Variants in SEMA3A observed in about 807,000 individuals in gnomAD.
SEMA3A encodes the protein semaphorin 3A.
Under a neutral mutation model 97.9 loss-of-function variants are expected in SEMA3A, and 29 were observed. The observed-to-expected ratio is 0.30, with a 90% CI of 0.22 to 0.40. SEMA3A has a LOEUF of 0.40. SEMA3A is among the 10% of genes least tolerant of loss of function. The pLI, the probability that SEMA3A is intolerant of heterozygous loss-of-function variation, is 1.00. For missense variants in SEMA3A, 763 were observed against 951.3 expected, an observed-to-expected ratio of 0.80 and a Z score of 2.60; for synonymous variants, 321 against 323.7, an observed-to-expected ratio of 0.99 and a Z score of 0.09.
At chr7:84,359,882 G>A (rs9801326) in intron 2 of SEMA3A, among the ~76,000 whole-genome samples, 43,555 of 150,404 alleles carry the variant, frequency 0.29, 6,682 homozygotes, top group African/African-American at 0.38. Flanking sequence ...TGTATGTGTC[G>A]AGGAATTTAT....
chr7:84,370,013 T>C (rs78239287), intron 2 of SEMA3A, among the ~76,000 whole-genome samples: 2,065 of 151,160 alleles, frequency 0.014, 45 homozygotes, highest in African/African-American at 0.047. Context: ...AAAACAAAGG[T>C]AAGGATGTAG....
chr7:84,425,211 T>TTA (rs1156788973), intron 1 of SEMA3A, among the ~76,000 whole-genome samples: 2 of 117,384 alleles, frequency 1.7e-5, no homozygotes, highest in African/African-American at 7.0e-5. Context: ...ATTTACGTAT[T>TTA]TATATATACA....
intron 1 of SEMA3A, among the ~76,000 whole-genome samples, chr7:84,486,907 ATCC>A (rs1249629143): frequency 6.6e-6 from 1 of 152,120 alleles, no homozygotes; most frequent in Non-Finnish European, 1.5e-5. Context: ...AAAAGATTAA[ATCC>A]TCAAGCTTTT....
At chr7:84,310,118 T>C (rs1412640849) in intron 2 of SEMA3A, among the ~76,000 whole-genome samples, 1 of 152,154 alleles carries the variant, frequency 6.6e-6, no homozygotes, top group Admixed American at 6.5e-5. Flanking sequence ...CTATTTCAGG[T>C]ATCTCTATTC....
chr7:84,058,049 A>G (rs1793064936), intron 5 of SEMA3A, among the ~76,000 whole-genome samples: 1 of 152,144 alleles, frequency 6.6e-6, no homozygotes, highest in South Asian at 2.1e-4. Context: ...CTGGTTTTAA[A>G]GTTTACTACT....
At chr7:83,973,061 T>C (rs1788981766) in intron 15 of SEMA3A, among the ~76,000 whole-genome samples, 1 of 152,166 alleles carries the variant, frequency 6.6e-6, no homozygotes, top group African/African-American at 2.4e-5. Context: ...AAGTTGCTTT[T>C]TTCTAGGAGA....
chr7:84,242,564 T>C (rs1214741529), intron 3 of SEMA3A, among the ~76,000 whole-genome samples: 1 of 152,212 alleles, frequency 6.6e-6, no homozygotes, highest in Admixed American at 6.5e-5. Context: ...TTATGTCATC[T>C]GCAAACAGAG....
chr7:84,312,875 TATATATATA>T (rs1801365504), intron 2 of SEMA3A, among the ~76,000 whole-genome samples: 1 of 12,844 alleles, frequency 7.8e-5, no homozygotes, highest in African/African-American at 4.2e-4. Flanking sequence ...TGTTGTTTTA[TATATATATA>T]TATATATATA....
intron 2 of SEMA3A, among the ~76,000 whole-genome samples, chr7:84,326,204 A>G (rs1584241433): frequency 6.6e-6 from 1 of 152,276 alleles, no homozygotes; most frequent in East Asian, 1.9e-4. Context: ...GATAATTTAG[A>G]GAGCTTTTAC....
intron 2 of SEMA3A, among the ~76,000 whole-genome samples, chr7:84,366,491 T>A (rs543438803): frequency 6.6e-6 from 1 of 151,276 alleles, no homozygotes; most frequent in East Asian, 2.0e-4. Flanking sequence ...CTCCTTTTTA[T>A]CAATCTGCTA....
Position 84,461,087 on chromosome 7 carries a change from T to C in SEMA3A, c.-246+31373A>G, listed in dbSNP as rs560539939. On this transcript the variant is annotated intron_variant, in intron 1 of 3. Coordinates refer to the SEMA3A transcript ENST00000424555. ...ATAGAAGCTTAAAATTCATAGGGTATAAGGAATGTTACTTATTAAAAAAAG... is the reference window on the plus strand; with the variant it reads ...ATAGAAGCTTAAAATTCATAGGGTACAAGGAATGTTACTTATTAAAAAAAG... Among the ~76,000 whole-genome samples, 8 of 152,294 alleles carry C rather than the reference T, an allele frequency of 5.3e-5. No individual in the cohort carries two copies. In the South Asian group the frequency reaches 1.7e-3, roughly 32 times the overall value.
chr7:84,049,890 G>C (rs1792535095), intron 5 of SEMA3A, among the ~76,000 whole-genome samples: 1 of 116,964 alleles, frequency 8.5e-6, no homozygotes, highest in Non-Finnish European at 1.6e-5. Flanking sequence ...ACAGTCCCCA[G>C]AGTGTGATGT....
intron 6 of SEMA3A, among the ~76,000 whole-genome samples, chr7:84,039,788 T>C (rs961620748): frequency 1.3e-5 from 2 of 152,094 alleles, no homozygotes; most frequent in Non-Finnish European, 2.9e-5. Flanking sequence ...GCATAATCAA[T>C]AACTTTATTA....
intron 3 of SEMA3A, among the ~76,000 whole-genome samples, chr7:84,279,490 C>T (rs1395242246): frequency 6.6e-6 from 1 of 151,926 alleles, no homozygotes; most frequent in Non-Finnish European, 1.5e-5. Context: ...TAAGGAAAGA[C>T]TAAGGAAATG....
At chr7:84,161,731 A>G (rs1382450946) in intron 1 of SEMA3A, among the ~76,000 whole-genome samples, 1 of 152,192 alleles carries the variant, frequency 6.6e-6, no homozygotes, top group Non-Finnish European at 1.5e-5. Context: ...TCACTCATAT[A>G]TAAAAATATT....
intron 1 of SEMA3A, among the ~76,000 whole-genome samples, chr7:84,448,948 T>C (rs1423524853): frequency 6.6e-6 from 1 of 152,068 alleles, no homozygotes; most frequent in Non-Finnish European, 1.5e-5. Flanking sequence ...GGTGTAAATA[T>C]ATATAAACAA....
rs936423389 is a variant in SEMA3A at position 83,960,571 on chromosome 7, C to T, written c.*800G>A. 2.6e-5 allele frequency: 4 copies of T among 152,480 alleles called. No homozygotes were observed. Among genetic ancestry groups the T allele is most frequent in the African/African-American group, 9.7e-5 (4 of 41,412 alleles). 9.4% of individuals were successfully genotyped at this position (152,480 alleles called of 1,614,324 possible). ...TTCTAGAACAATGTCATCTATCCCT[C>T]TTATAGAATTGAAAATAAAATGTCC... On this transcript the variant is annotated 3_prime_UTR_variant, in exon 17 of 17. Coordinates refer to ENST00000265362, the MANE Select transcript of SEMA3A (RefSeq NM_006080.3).
chr7:84,168,252 C>A (rs918190081), intron 1 of SEMA3A, among the ~76,000 whole-genome samples: 1 of 151,958 alleles, frequency 6.6e-6, no homozygotes, highest in African/African-American at 2.4e-5. Context: ...TTGTTATTTC[C>A]TATATTCTCA....
chr7:84,234,746 C>T (rs1422998544), intron 3 of SEMA3A, among the ~76,000 whole-genome samples: 1 of 152,010 alleles, frequency 6.6e-6, no homozygotes, highest in East Asian at 1.9e-4. Flanking sequence ...CATTTAATAG[C>T]AGGCAGTTTC....
Sources: allele counts gnomAD v4.1 joint callset (sites outside exome capture counted in the v4.1 genomes callset), GRCh38; gene constraint gnomAD v4.1.1; transcripts MANE v1.5; gene names NCBI Gene and HGNC (gene_info 2026-07-23, HGNC 2026-07-21).